The following PLEKHM3 variants were observed in gnomAD, a reference collection of about 807,000 sequenced individuals.
The protein encoded by PLEKHM3 is pleckstrin homology domain-containing family M member 3.
PLEKHM3 carries 45 observed loss-of-function variants against 81.8 expected under a neutral mutation model. The ratio of observed to expected loss-of-function variants is 0.55; its 90% CI spans 0.43 to 0.71. PLEKHM3 has a LOEUF of 0.71. PLEKHM3 is among the 30% of genes least tolerant of loss of function. PLEKHM3 has a pLI of 0.00. For synonymous variants in PLEKHM3, 352 were observed against 356.4 expected (o/e 0.99, Z 0.14); for missense variants, 788 against 924.3 (o/e 0.85, Z 1.91).
chr2:207,862,913 C>T (rs2092475032), intron 6 of PLEKHM3, among the ~76,000 whole-genome samples: 1 of 152,162 alleles, frequency 6.6e-6, no homozygotes, highest in South Asian at 2.1e-4. Flanking sequence ...AGGGTACCCT[C>T]CCATGTGTGG....
At position 207,865,801 on chromosome 2, in the gene PLEKHM3, A is replaced by AAAAAAAAAAAAATAT; in HGVS notation, c.1951-4540_1951-4539insATATTTTTTTTTTTT. On this transcript the variant is annotated intron_variant, in intron 6 of 7. Coordinates refer to ENST00000427836, the MANE Select transcript of PLEKHM3 (RefSeq NM_001080475.3). ...CGACTCAAAAAAAAAAAAAAAAAAA[A>AAAAAAAAAAAAATAT]AGATATATATATATATATATATATA... 4.7e-4 allele frequency among the ~76,000 whole-genome samples: 12 copies of AAAAAAAAAAAAATAT among 25,278 alleles called. 2 individuals are homozygous for AAAAAAAAAAAAATAT. Among genetic ancestry groups the AAAAAAAAAAAAATAT allele is most frequent in the East Asian group, 1.1e-3 (1 of 902 alleles). The allele number at this position is 25,278 out of a possible 152,430, so 16.6% of individuals were successfully genotyped here. A position where few individuals can be genotyped will look rare whatever the true frequency, so the allele number is the denominator to read the frequency against.
chr2:207,901,137 A>T (rs1305344982), intron 6 of PLEKHM3: 3 of 637,776 alleles, frequency 4.7e-6, no homozygotes, highest in Non-Finnish European at 8.5e-6. Flanking sequence ...CCTGGGCAAC[A>T]GGGCTCTCTA....
chr2:208,019,088 C>G (rs1693029704), intron 1 of PLEKHM3, among the ~76,000 whole-genome samples: 2 of 151,756 alleles, frequency 1.3e-5, no homozygotes, highest in Non-Finnish European at 2.9e-5. Flanking sequence ...CTGCTGGAGG[C>G]TAGGGGTTCA....
At chr2:207,865,797 A>ATAT (rs1559212735) in intron 6 of PLEKHM3, among the ~76,000 whole-genome samples, 4 of 38,108 alleles carry the variant, frequency 1.0e-4, no homozygotes, top group African/African-American at 4.0e-4. Flanking sequence ...AAAAAAAAAA[A>ATAT]AAAAAGATAT....
chr2:207,911,438 A>T (rs1334530559), intron 5 of PLEKHM3, among the ~76,000 whole-genome samples: 1 of 152,170 alleles, frequency 6.6e-6, no homozygotes, highest in African/African-American at 2.4e-5. Flanking sequence ...ACCATGGCAT[A>T]TTGATCAAAA....
At chr2:207,981,206 T>C (rs1405577807) in intron 2 of PLEKHM3, among the ~76,000 whole-genome samples, 1 of 151,576 alleles carries the variant, frequency 6.6e-6, no homozygotes, top group Non-Finnish European at 1.5e-5. Flanking sequence ...TTTTCTGGAG[T>C]ATCCATTCCT....
intron 3 of PLEKHM3, among the ~76,000 whole-genome samples, chr2:207,964,167 ACG>A (rs1690834587): frequency 1.3e-5 from 2 of 151,588 alleles, no homozygotes; most frequent in Admixed American, 6.6e-5. Flanking sequence ...AGCTGAGATC[ACG>A]CCACTGCACT....
intron 5 of PLEKHM3, among the ~76,000 whole-genome samples, chr2:207,910,167 T>C (rs1042124316): frequency 1.3e-5 from 2 of 152,202 alleles, no homozygotes; most frequent in Non-Finnish European, 2.9e-5. Context: ...TCAACTCTAA[T>C]GGTTCAGGGC....
At chr2:207,929,216 T>G (rs1013072099) in intron 5 of PLEKHM3, among the ~76,000 whole-genome samples, 6 of 152,216 alleles carry the variant, frequency 3.9e-5, no homozygotes, top group African/African-American at 9.6e-5. Context: ...GAGTGCCTTG[T>G]TTCTAGAACT....
intron 3 of PLEKHM3, among the ~76,000 whole-genome samples, chr2:207,956,732 T>TTTTTA (rs1165049893): frequency 1.5e-5 from 2 of 136,792 alleles, no homozygotes; most frequent in African/African-American, 5.4e-5. Flanking sequence ...TTTTTTTTTT[T>TTTTTA]TTTTTTTTTT....
At chr2:207,966,351 T>C (rs1022475770) in intron 3 of PLEKHM3, among the ~76,000 whole-genome samples, 22 of 152,162 alleles carry the variant, frequency 1.4e-4, no homozygotes, top group African/African-American at 5.3e-4. Flanking sequence ...TTTTCTTAAA[T>C]AAGAAAAAAT....
At chr2:207,896,133 C>T (rs563881284) in intron 6 of PLEKHM3, among the ~76,000 whole-genome samples, 7 of 152,304 alleles carry the variant, frequency 4.6e-5, no homozygotes, top group South Asian at 2.1e-4. Flanking sequence ...CATCACTTCT[C>T]GAGCTCTATA....
At chr2:207,910,229 T>C (rs950815280) in intron 5 of PLEKHM3, among the ~76,000 whole-genome samples, 5 of 152,136 alleles carry the variant, frequency 3.3e-5, no homozygotes, top group African/African-American at 4.8e-5. Context: ...GGGCAGGGCA[T>C]AGGAAAAGTA....
Position 208,001,800 on chromosome 2 carries a change from A to T in PLEKHM3, c.-161T>A, listed in dbSNP as rs1316987808. Reference sequence around the variant, plus strand: ...GAGCAGGCCAAACCCAAAGTGGTTGATGTTTTCCTGGTAATTAAAAGCATT... The same window carrying T: ...GAGCAGGCCAAACCCAAAGTGGTTGTTGTTTTCCTGGTAATTAAAAGCATT... On this transcript the variant is annotated 5_prime_UTR_variant, in exon 2 of 8. Transcript: ENST00000427836. 8.3e-7 allele frequency: 1 copy of T among 1,198,154 alleles called. No homozygotes were observed. Among genetic ancestry groups the T allele is most frequent in the Non-Finnish European group, 1.1e-6 (1 of 873,416 alleles). 74.2% of individuals were successfully genotyped at this position (1,198,154 alleles called of 1,614,324 possible).
chr2:207,882,205 G>C (rs1357363035), intron 6 of PLEKHM3, among the ~76,000 whole-genome samples: 1 of 152,166 alleles, frequency 6.6e-6, no homozygotes, highest in Non-Finnish European at 1.5e-5. Context: ...TTATGCAAGG[G>C]CTACTTGAGC....
intron 6 of PLEKHM3, among the ~76,000 whole-genome samples, chr2:207,901,552 C>A (rs1688427276): frequency 6.6e-6 from 1 of 152,228 alleles, no homozygotes; most frequent in Non-Finnish European, 1.5e-5. Flanking sequence ...GTGAAACACA[C>A]TGGGAGACCG....
intron 2 of PLEKHM3, among the ~76,000 whole-genome samples, chr2:207,983,051 ATTT>A (rs3057253): frequency 2.3e-5 from 3 of 130,090 alleles, no homozygotes; most frequent in East Asian, 4.5e-4. Context: ...TTAAACATGG[ATTT>A]TTTTTTTTTT....
chr2:207,926,773 G>A (rs569257146), intron 5 of PLEKHM3, among the ~76,000 whole-genome samples: 9 of 152,118 alleles, frequency 5.9e-5, no homozygotes, highest in African/African-American at 1.2e-4. Context: ...AGAACAAGGC[G>A]TTCATTTAAC....
chr2:208,019,180 C>T (rs1000894312), intron 1 of PLEKHM3, among the ~76,000 whole-genome samples: 1 of 151,998 alleles, frequency 6.6e-6, no homozygotes, highest in Non-Finnish European at 1.5e-5. Flanking sequence ...GGGGCGTGAA[C>T]CTATAGTCCT....
Sources: allele counts gnomAD v4.1 joint callset (sites outside exome capture counted in the v4.1 genomes callset), GRCh38; gene constraint gnomAD v4.1.1; transcripts MANE v1.5; gene names NCBI Gene and HGNC (gene_info 2026-07-23, HGNC 2026-07-21).